The following CPEB3 variants were observed in gnomAD, a reference collection of about 807,000 sequenced individuals.
CPEB3 encodes cytoplasmic polyadenylation element binding protein 3.
Under a neutral mutation model 67.2 loss-of-function variants are expected in CPEB3, and 20 were observed. The observed-to-expected ratio is 0.30, with a 90% CI of 0.21 to 0.43. The LOEUF (loss-of-function observed/expected upper bound fraction) is 0.43. Ranked by LOEUF, CPEB3 falls within the 20% of genes least tolerant of loss-of-function variation. The pLI is 1.00. For synonymous variants in CPEB3, 376 were observed against 393.1 expected, an observed-to-expected ratio of 0.96 and a Z score of 0.51; for missense variants, 746 against 968.6, an observed-to-expected ratio of 0.77 and a Z score of 3.05.
rs563014004 is a variant in CPEB3, at chr10:92,176,389, G to C, written c.1222+4574C>G. On this transcript the variant is annotated intron_variant, in intron 4 of 9. Transcript: ENST00000265997. Reference sequence around the variant, plus strand: ...GGTGAAGAAATCGAGGCAAAGAGGAGTTAAGAATGTGGCCTCAAGGCCATA... The same window carrying C: ...GGTGAAGAAATCGAGGCAAAGAGGACTTAAGAATGTGGCCTCAAGGCCATA... Among the ~76,000 whole-genome samples the C allele has an allele frequency of 5.3e-5, 8 of 152,352 alleles. No homozygotes were observed. In the East Asian group the frequency reaches 1.5e-3, roughly 29 times the overall value.
intron 2 of CPEB3, among the ~76,000 whole-genome samples, chr10:92,227,315 G>A (rs1422207849): frequency 2.6e-5 from 4 of 152,216 alleles, no homozygotes; most frequent in East Asian, 1.9e-4. Flanking sequence ...TATGATGCCA[G>A]TGCTGGCATT....
intron 3 of CPEB3, among the ~76,000 whole-genome samples, chr10:92,181,319 A>T (rs765635122): frequency 6.0e-5 from 9 of 150,988 alleles, no homozygotes; most frequent in South Asian, 2.1e-4. Context: ...TCCTTGGATT[A>T]AACATTTTAT....
chr10:92,229,987 G>A (rs550358212), intron 2 of CPEB3, among the ~76,000 whole-genome samples: 4 of 151,988 alleles, frequency 2.6e-5, no homozygotes, highest in East Asian at 3.9e-4. Flanking sequence ...CGGAGGTTGC[G>A]GTGAGCCGAG....
chr10:92,291,131 G>C (rs1450669680), upstream of CPEB3: 1 of 380,438 alleles, frequency 2.6e-6, no homozygotes, highest in Admixed American at 4.9e-5. Context: ...GCCGCCCTGC[G>C]TCGTAACCCT....
chr10:92,283,318 T>C (rs1842380166), intron 1 of CPEB3, among the ~76,000 whole-genome samples: 1 of 152,156 alleles, frequency 6.6e-6, no homozygotes, highest in African/African-American at 2.4e-5. Context: ...GTAATAATTA[T>C]TAAGAGCCCT....
chr10:92,218,855 C>T (rs151278131), intron 2 of CPEB3, among the ~76,000 whole-genome samples: 1,712 of 152,072 alleles, frequency 0.011, 18 homozygotes, highest in Middle Eastern at 0.088. Flanking sequence ...AAATCTGCCA[C>T]CCAGGCTGGA....
At chr10:92,176,922 T>C (rs1188374445) in intron 4 of CPEB3, among the ~76,000 whole-genome samples, 7 of 152,240 alleles carry the variant, frequency 4.6e-5, no homozygotes, top group African/African-American at 1.4e-4. Context: ...CAAACAAATC[T>C]GTAAACTTTC....
At chr10:92,260,259 C>A (rs1852730823) in intron 1 of CPEB3, among the ~76,000 whole-genome samples, 1 of 152,072 alleles carries the variant, frequency 6.6e-6, no homozygotes, top group African/African-American at 2.4e-5. Flanking sequence ...ATCCTAAAAT[C>A]ATGTCTTCTG....
intron 1 of CPEB3, among the ~76,000 whole-genome samples, chr10:92,259,502 G>A (rs1852695664): frequency 1.3e-5 from 2 of 151,940 alleles, no homozygotes; most frequent in South Asian, 2.1e-4. Flanking sequence ...TAGGGAGGCT[G>A]AGGCAGGAGA....
intron 1 of CPEB3, among the ~76,000 whole-genome samples, chr10:92,282,880 T>C (rs894678953): frequency 6.6e-6 from 1 of 152,238 alleles, no homozygotes; most frequent in Non-Finnish European, 1.5e-5. Context: ...TTACAGACCA[T>C]GGTCAAGTTA....
At chr10:92,275,241 C>T (rs1056556214) in intron 1 of CPEB3, among the ~76,000 whole-genome samples, 1 of 152,206 alleles carries the variant, frequency 6.6e-6, no homozygotes, top group Admixed American at 6.5e-5. Flanking sequence ...TTAGCAGTAT[C>T]CTTGGTCTCT....
intron 6 of CPEB3, among the ~76,000 whole-genome samples, chr10:92,117,416 G>A (rs530697977): frequency 8.7e-4 from 121 of 139,756 alleles, no homozygotes; most frequent in Non-Finnish European, 1.3e-3. Context: ...TGCAAGCTCC[G>A]CCTCCCAGGT....
At chr10:92,173,139 T>C (rs565933619) in intron 4 of CPEB3, among the ~76,000 whole-genome samples, 1 of 152,298 alleles carries the variant, frequency 6.6e-6, no homozygotes, top group South Asian at 2.1e-4. Context: ...TCTTGAAACA[T>C]ACACATTAAA....
intron 2 of CPEB3, among the ~76,000 whole-genome samples, chr10:92,229,208 T>C (rs1483819702): frequency 2.0e-5 from 3 of 151,642 alleles, no homozygotes; most frequent in Non-Finnish European, 4.4e-5. Flanking sequence ...AAATTTTTAA[T>C]TTTTTTATAG....
In CPEB3 at chr10:92,199,391, CAAAAAAAAAA is replaced by C. The variant is rs61159896; in HGVS notation, c.1006-6765_1006-6756del. Among the ~76,000 whole-genome samples the C allele has an allele frequency of 2.1e-4, 16 of 76,370 alleles. No homozygotes were observed. In the South Asian group the frequency reaches 8.0e-3, roughly 38 times the overall value. 50.1% of individuals were successfully genotyped at this position (76,370 alleles called of 152,430 possible). On this transcript the variant is annotated intron_variant, in intron 2 of 9. Coordinates refer to ENST00000265997, the MANE Select transcript of CPEB3 (RefSeq NM_014912.5). ...GGGCAACAAAAGTGAAACTCTGTCTCAAAAAAAAAAAAAAAAAAAGGCCAGGCGCGGTGGC... is the reference window on the plus strand; with the variant it reads ...GGGCAACAAAAGTGAAACTCTGTCTCAAAAAAAAAGGCCAGGCGCGGTGGC...
chr10:92,194,278 G>A (rs1412877669), intron 2 of CPEB3, among the ~76,000 whole-genome samples: 2 of 151,482 alleles, frequency 1.3e-5, no homozygotes, highest in African/African-American at 2.4e-5. Flanking sequence ...TGTCTCTACC[G>A]AAAATACAAA....
chr10:92,109,467 T>A (rs1322103415), intron 7 of CPEB3, among the ~76,000 whole-genome samples: 2 of 152,120 alleles, frequency 1.3e-5, no homozygotes, highest in Non-Finnish European at 2.9e-5. Flanking sequence ...TTAGCCAGGA[T>A]GGTCTTGATC....
chr10:92,119,173 G>A (rs78597450), intron 6 of CPEB3: 1 of 1,582,074 alleles, frequency 6.3e-7, no homozygotes, highest in East Asian at 2.2e-5. Flanking sequence ...GAAGAACGGA[G>A]GTTCCCAGCA....
chr10:92,275,521 T>C (rs941610155), intron 1 of CPEB3, among the ~76,000 whole-genome samples: 1 of 152,202 alleles, frequency 6.6e-6, no homozygotes, highest in African/African-American at 2.4e-5. Flanking sequence ...CTGGTGTTAT[T>C]ATTAAATAAC....
Sources: allele counts gnomAD v4.1 joint callset (sites outside exome capture counted in the v4.1 genomes callset), GRCh38; gene constraint gnomAD v4.1.1; transcripts MANE v1.5; gene names NCBI Gene and HGNC (gene_info 2026-07-23, HGNC 2026-07-21).